CACHD1: variants seen among roughly 807,000 people sequenced by gnomAD.
The protein encoded by CACHD1 is VWFA and cache domain-containing protein 1.
In CACHD1, 71 loss-of-function variants were observed where a neutral mutation model predicts 138.7. That is an observed-to-expected ratio of 0.51 (90% CI 0.42 to 0.62). The LOEUF (loss-of-function observed/expected upper bound fraction) is 0.62. Among genes scored for constraint, CACHD1 ranks in the 20% least tolerant of loss-of-function variants. The pLI, the probability that CACHD1 is intolerant of heterozygous loss-of-function variation, is 0.00. For missense variants in CACHD1, 1,389 were observed against 1,625.3 expected, an observed-to-expected ratio of 0.85 and a Z score of 2.50; for synonymous variants, 578 against 591.5, an observed-to-expected ratio of 0.98 and a Z score of 0.33.
intron 26 of CACHD1, among the ~76,000 whole-genome samples, chr1:64,690,381 C>T (rs1052341069): frequency 2.6e-5 from 4 of 152,134 alleles, no homozygotes; most frequent in African/African-American, 4.8e-5. Context: ...TGCTGATTGA[C>T]GCTAACTGTA....
chr1:64,559,598 A>G (rs956593670), intron 2 of CACHD1, among the ~76,000 whole-genome samples: 1 of 152,180 alleles, frequency 6.6e-6, no homozygotes, highest in East Asian at 1.9e-4. Context: ...AACCCCCATG[A>G]CATGTGTTTC....
At chr1:64,679,227 G>A (rs1247439816) in intron 23 of CACHD1, among the ~76,000 whole-genome samples, 2 of 152,136 alleles carry the variant, frequency 1.3e-5, no homozygotes, top group East Asian at 3.9e-4. Context: ...TTATTTCAGT[G>A]GTTACTCTGT....
intron 9 of CACHD1, among the ~76,000 whole-genome samples, chr1:64,651,597 A>G (rs1157295873): frequency 6.6e-6 from 1 of 152,152 alleles, no homozygotes; most frequent in Non-Finnish European, 1.5e-5. Flanking sequence ...TGAGGCCACC[A>G]TGAGCTATGA....
At chr1:64,522,915 G>T (rs929612209) in intron 1 of CACHD1, among the ~76,000 whole-genome samples, 1 of 152,182 alleles carries the variant, frequency 6.6e-6, no homozygotes, top group Non-Finnish European at 1.5e-5. Context: ...GCAAGAGAAA[G>T]AAAAGATCCT....
At chr1:64,504,464 A>G (rs963803736) in intron 1 of CACHD1, among the ~76,000 whole-genome samples, 16 of 152,218 alleles carry the variant, frequency 1.1e-4, no homozygotes, top group African/African-American at 3.6e-4. Flanking sequence ...ATTTTCTAGC[A>G]AGTCTCAACC....
At chr1:64,536,520 G>A (rs1646634026) in intron 1 of CACHD1, among the ~76,000 whole-genome samples, 1 of 152,186 alleles carries the variant, frequency 6.6e-6, no homozygotes, top group Admixed American at 6.5e-5. Flanking sequence ...CTAGTTCGGT[G>A]TGCAGTACAG....
chr1:64,653,150 G>A lies in CACHD1; in HGVS notation c.1541-608G>A, dbSNP rs1649150295. ...ACTAACTCAGGAACAGATACTGCAT[G>A]TTCTCACTTATAAGTGGGAGCTAAA... is the stretch of plus-strand genomic sequence containing the variant. On this transcript the variant is annotated intron_variant, in intron 10 of 26. Coordinates refer to ENST00000651257, the MANE Select transcript of CACHD1 (RefSeq NM_020925.4). Among the ~76,000 whole-genome samples, 3 of 152,096 alleles carry A rather than the reference G, an allele frequency of 2.0e-5. No individual in the cohort carries two copies. The South Asian group carries it at 6.2e-4, about 32-fold the overall frequency.
At position 64,629,429 on chromosome 1, in the gene CACHD1, G is replaced by C; in HGVS notation, c.592G>C (p.Val198Leu). Residue 198 changes from valine (V) to leucine (L), a missense_variant, in exon 5 of 27, where the codon GTT (valine) becomes CTT (leucine). This residue lies in a region of CACHD1 where 1,000 missense variants were observed against 1,114.7 expected (regional missense o/e 0.90). Coordinates refer to ENST00000651257, the MANE Select transcript of CACHD1 (RefSeq NM_020925.4). ...CAGTTCAGAAGAAGGAATTTTCACTGTTTTCCCAGCACACAAGTTCCGGTG... is the reference window on the plus strand; with the variant it reads ...CAGTTCAGAAGAAGGAATTTTCACTCTTTTCCCAGCACACAAGTTCCGGTG... ...YFSSEEGIFT[V>L]FPAHKFRCKG... 2 of 1,614,112 alleles carry C rather than the reference G, an allele frequency of 1.2e-6. No individual in the cohort carries two copies. The highest frequency in any genetic ancestry group is 1.7e-6 in the Non-Finnish European group (2 of 1,179,974).
chr1:64,528,705 G>A (rs1332440445), intron 1 of CACHD1, among the ~76,000 whole-genome samples: 1 of 152,068 alleles, frequency 6.6e-6, no homozygotes, highest in Non-Finnish European at 1.5e-5. Flanking sequence ...GCTAAAAGTA[G>A]TGGGTTACTT....
intron 4 of CACHD1, among the ~76,000 whole-genome samples, chr1:64,622,719 A>G (rs1409311500): frequency 1.3e-5 from 2 of 152,230 alleles, no homozygotes; most frequent in East Asian, 3.8e-4. Context: ...CACCTTGAGC[A>G]TGTTAGTTCT....
At chr1:64,555,339 A>T (rs558184662) in intron 2 of CACHD1, among the ~76,000 whole-genome samples, 21 of 152,204 alleles carry the variant, frequency 1.4e-4, no homozygotes, top group Non-Finnish European at 2.8e-4. Flanking sequence ...TCAGTTTTTT[A>T]AAAAATCGAT....
intron 7 of CACHD1, among the ~76,000 whole-genome samples, chr1:64,640,270 A>C (rs1319643036): frequency 2.6e-5 from 4 of 152,244 alleles, no homozygotes; most frequent in Non-Finnish European, 5.9e-5. Context: ...TGCCGCAGTC[A>C]CTTTAGAGCA....
intron 16 of CACHD1, among the ~76,000 whole-genome samples, chr1:64,668,085 T>C (rs543819916): frequency 3.6e-4 from 54 of 152,048 alleles, no homozygotes; most frequent in African/African-American, 1.1e-3. Flanking sequence ...TCCCAGCACA[T>C]TGGGAGGCCA....
intron 2 of CACHD1, among the ~76,000 whole-genome samples, chr1:64,559,858 T>C (rs1646825826): frequency 6.6e-6 from 1 of 152,206 alleles, no homozygotes; most frequent in Non-Finnish European, 1.5e-5. Flanking sequence ...ATTTTGTTTT[T>C]GCTGCTGTCC....
chr1:64,475,171 C>CTTTTT lies in CACHD1; in HGVS notation c.198+4244_198+4248dup, dbSNP rs3078373. 2.3e-4 allele frequency among the ~76,000 whole-genome samples: 28 copies of CTTTTT among 124,286 alleles called. 5 individuals are homozygous for CTTTTT. Among genetic ancestry groups the CTTTTT allele is most frequent in the Non-Finnish European group, 3.9e-4 (24 of 62,000 alleles). 81.5% of individuals were successfully genotyped at this position (124,286 alleles called of 152,430 possible). A position where few individuals can be genotyped will look rare whatever the true frequency, so the allele number is the denominator to read the frequency against. ...AAACAACAATGCACTAAATTCCTTCCTTTTTTTTTTTTTTTTTTTCTTAAG... is the reference window on the plus strand; with the variant it reads ...AAACAACAATGCACTAAATTCCTTCCTTTTTTTTTTTTTTTTTTTTTTTTCTTAAG... On this transcript the variant is annotated intron_variant, in intron 1 of 26. Coordinates refer to ENST00000651257, the MANE Select transcript of CACHD1 (RefSeq NM_020925.4).
intron 3 of CACHD1, among the ~76,000 whole-genome samples, chr1:64,589,143 C>T (rs1003420180): frequency 3.9e-5 from 6 of 152,092 alleles, no homozygotes; most frequent in African/African-American, 1.4e-4. Context: ...CTCTTGGAAC[C>T]ATTGTCAAAT....
At chr1:64,664,015 A>G (rs1027264488) in intron 14 of CACHD1, among the ~76,000 whole-genome samples, 178 bp downstream of exon 14, 2 of 152,174 alleles carry the variant, frequency 1.3e-5, no homozygotes, top group African/African-American at 4.8e-5. Flanking sequence ...TGATGGATGA[A>G]GAAGCCCCGT....
chr1:64,664,116 T>G (rs1649544765), intron 14 of CACHD1: 1 of 485,530 alleles, frequency 2.1e-6, no homozygotes, highest in Non-Finnish European at 3.6e-6. Flanking sequence ...AGTGAAACTT[T>G]CCCAGCCCTG....
intron 7 of CACHD1, among the ~76,000 whole-genome samples, chr1:64,641,417 A>T (rs6688869): frequency 0.98 from 149,424 of 152,282 alleles, 73,398 homozygotes; most frequent in East Asian, 1. Context: ...CCTGGTCCTC[A>T]AGAAACGAGC....
Sources: gnomAD v4.1 joint callset for allele counts (sites outside exome capture counted in the v4.1 genomes callset) on GRCh38, gnomAD v4.1.1 for gene constraint, gnomAD v4.1.1 regional missense constraint, MANE v1.5 for transcripts, NCBI Gene and HGNC (gene_info 2026-07-23, HGNC 2026-07-21) for gene names.